ARHGAP29: variants seen among roughly 807,000 people sequenced by gnomAD.
ARHGAP29 encodes Rho GTPase activating protein 29, also known as rho GTPase-activating protein 29.
A neutral mutation model predicts 122.6 loss-of-function variants in ARHGAP29; 43 were observed. The ratio of observed to expected loss-of-function variants is 0.35; its 90% CI spans 0.27 to 0.45. ARHGAP29 has a LOEUF of 0.45. Among genes scored for constraint, ARHGAP29 ranks in the 20% least tolerant of loss-of-function variants. The pLI is 1.00. For missense variants in ARHGAP29, 1,303 were observed against 1,477.2 expected (o/e 0.88, Z 1.93); for synonymous variants, 506 against 497.1 (o/e 1.02, Z -0.24).
intron 1 of ARHGAP29, among the ~76,000 whole-genome samples, chr1:94,254,299 G>A (rs1169519519): frequency 6.6e-6 from 1 of 152,100 alleles, no homozygotes. Context: ...GAGCTACATG[G>A]TACTAGAATA....
chr1:94,301,234 A>G, the ARHGAP29 span, among the ~76,000 whole-genome samples: 146 of 152,214 alleles, frequency 9.6e-4, no homozygotes, highest in Middle Eastern at 6.8e-3. Flanking sequence ...TTTCATTCCC[A>G]TGAGGGCCTT....
intron 2 of ARHGAP29, among the ~76,000 whole-genome samples, chr1:94,221,192 T>C (rs1652271157): frequency 1.3e-5 from 2 of 152,160 alleles, no homozygotes; most frequent in South Asian, 2.1e-4. Flanking sequence ...CTCACAGTCA[T>C]GCTAGCACAA....
At chr1:94,211,603 C>T (rs1239893629) in intron 3 of ARHGAP29, among the ~76,000 whole-genome samples, 2 of 151,988 alleles carry the variant, frequency 1.3e-5, no homozygotes, top group Admixed American at 1.3e-4. Context: ...ATATTATGGG[C>T]CATAAAACAA....
intron 15 of ARHGAP29, among the ~76,000 whole-genome samples, chr1:94,187,923 A>G (rs996770039): frequency 6.6e-6 from 1 of 152,184 alleles, no homozygotes; most frequent in Admixed American, 6.5e-5. Flanking sequence ...GCGTGAAAAT[A>G]GTTTCCTAAA....
upstream of ARHGAP29, among the ~76,000 whole-genome samples, chr1:94,241,751 A>T (rs954272632): frequency 4.4e-4 from 57 of 128,174 alleles, no homozygotes; most frequent in Non-Finnish European, 7.7e-4. Flanking sequence ...TATATATATA[A>T]AATCAAATGG....
intron 9 of ARHGAP29, 30 bp downstream of exon 9, chr1:94,203,070 A>G: frequency 6.3e-7 from 1 of 1,594,710 alleles, no homozygotes; most frequent in South Asian, 1.1e-5. Context: ...TAAAAATAAA[A>G]GTGCATTATA....
the ARHGAP29 span, among the ~76,000 whole-genome samples, chr1:94,299,922 G>A: frequency 6.6e-6 from 1 of 152,138 alleles, no homozygotes; most frequent in African/African-American, 2.4e-5. Context: ...TGTGTAGAGA[G>A]GACCTTTGCC....
chr1:94,256,703 C>T (rs965948077), intron 1 of ARHGAP29, among the ~76,000 whole-genome samples: 5 of 151,286 alleles, frequency 3.3e-5, no homozygotes, highest in African/African-American at 9.7e-5. Flanking sequence ...GGACTACAGG[C>T]GCCCACTACC....
chr1:94,214,930 T>G (rs1264068334), intron 3 of ARHGAP29, among the ~76,000 whole-genome samples: 1 of 152,074 alleles, frequency 6.6e-6, no homozygotes, highest in Non-Finnish European at 1.5e-5. Flanking sequence ...CCTATAAAAT[T>G]TCTGACACAT....
At chr1:94,178,322 A>G (rs1234401361) in intron 20 of ARHGAP29, among the ~76,000 whole-genome samples, 155 bp from the exon 21 acceptor site, 1 of 152,240 alleles carries the variant, frequency 6.6e-6, no homozygotes, top group Non-Finnish European at 1.5e-5. Context: ...TTTGATTAAA[A>G]TATTGACCAC....
intron 12 of ARHGAP29, among the ~76,000 whole-genome samples, chr1:94,199,306 T>C (rs1442839910): frequency 3.3e-5 from 5 of 152,028 alleles, no homozygotes; most frequent in African/African-American, 1.2e-4. Context: ...CCTACAAATA[T>C]GGTCAACTGA....
chr1:94,208,113 T>C (rs1651334535), intron 5 of ARHGAP29, among the ~76,000 whole-genome samples: 1 of 152,060 alleles, frequency 6.6e-6, no homozygotes, highest in Non-Finnish European at 1.5e-5. Flanking sequence ...GCCGGGACTA[T>C]AGGTGTGTGC....
At chr1:94,287,621 T>A in the ARHGAP29 span, among the ~76,000 whole-genome samples, 1 of 152,120 alleles carries the variant, frequency 6.6e-6, no homozygotes, top group Non-Finnish European at 1.5e-5. Flanking sequence ...GTCATTTACA[T>A]TAGGTATTTC....
At position 94,205,013 on chromosome 1, in the gene ARHGAP29, CAACTT is replaced by C. The variant is rs768163097; in HGVS notation, c.697+43_697+47del. On this transcript the variant is annotated intron_variant, in intron 7 of 22. Transcript: ENST00000260526. ...TAATCTGTAAAAAATGAGTTAGAAA[CAACTT>C]AATTATTATACTCTAAATCAGATGC... 35 of 1,458,048 alleles carry C rather than the reference CAACTT, an allele frequency of 2.4e-5. No individual in the cohort carries two copies. In the South Asian group the frequency reaches 4.5e-4, roughly 19 times the overall value. 90.3% of individuals were successfully genotyped at this position (1,458,048 alleles called of 1,614,324 possible). A position where few individuals can be genotyped will look rare whatever the true frequency, so the allele number is the denominator to read the frequency against.
intron 7 of ARHGAP29, 24 bp downstream of exon 7, chr1:94,205,037 C>A: frequency 1.3e-6 from 2 of 1,544,006 alleles, no homozygotes; most frequent in African/African-American, 1.4e-5. Flanking sequence ...TACTCTAAAT[C>A]AGATGCTTTA....
chr1:94,201,614 C>G lies in ARHGAP29; in HGVS notation c.1281+106G>C, dbSNP rs1027487942. Reference sequence around the variant, plus strand: ...CCTCAAACTTTTGGGCTCAAGTGATCCTCCCACCTCAGCCTCCCAAAGTGC... The same window carrying G: ...CCTCAAACTTTTGGGCTCAAGTGATGCTCCCACCTCAGCCTCCCAAAGTGC... On this transcript the variant is annotated intron_variant, in intron 12 of 22. Coordinates refer to ENST00000260526, the MANE Select transcript of ARHGAP29 (RefSeq NM_004815.4). 13 of 1,397,564 alleles carry G rather than the reference C, an allele frequency of 9.3e-6. No homozygotes were observed. The African/African-American group carries it at 1.9e-4, about 20-fold the overall frequency. 86.6% of individuals were successfully genotyped at this position (1,397,564 alleles called of 1,614,324 possible).
intron 1 of ARHGAP29, among the ~76,000 whole-genome samples, chr1:94,266,893 C>T (rs1654794855): frequency 1.3e-5 from 2 of 152,188 alleles, no homozygotes; most frequent in Admixed American, 1.3e-4. Context: ...TAAAGCTTTA[C>T]AACTTTGGAC....
intron 16 of ARHGAP29, 36 bp from the exon 17 acceptor site, chr1:94,185,517 G>A (rs761069601): frequency 1.3e-6 from 2 of 1,532,936 alleles, no homozygotes; most frequent in Admixed American, 3.9e-5. Context: ...ATTGTAAAAT[G>A]ATAGAAAAAT....
chr1:94,197,394 C>T (rs962170224), intron 12 of ARHGAP29, among the ~76,000 whole-genome samples: 1 of 152,118 alleles, frequency 6.6e-6, no homozygotes, highest in Non-Finnish European at 1.5e-5. Flanking sequence ...AGGAGAAAAT[C>T]CCAAGCCTAG....
Sources: allele counts gnomAD v4.1 joint callset (sites outside exome capture counted in the v4.1 genomes callset), GRCh38; gene constraint gnomAD v4.1.1; transcripts MANE v1.5; gene names NCBI Gene and HGNC (gene_info 2026-07-23, HGNC 2026-07-21).